The following DDX52 variants were observed in gnomAD, a reference collection of about 807,000 sequenced individuals.
DDX52 encodes the protein DExD-box helicase 52, also known as probable ATP-dependent RNA helicase DDX52.
DDX52 carries 59 observed loss-of-function variants against 76.1 expected under a neutral mutation model. The ratio of observed to expected loss-of-function variants is 0.78; its 90% CI spans 0.63 to 0.96. The LOEUF is 0.96. DDX52 is among the 40% of genes least tolerant of loss of function. The pLI is 0.00. For missense variants in DDX52, 707 were observed against 703.9 expected (o/e 1.00, Z -0.05); for synonymous variants, 231 against 244.1 (o/e 0.95, Z 0.50).
intron 2 of DDX52, among the ~76,000 whole-genome samples, chr17:37,637,086 T>A (rs1441830409): frequency 6.6e-6 from 1 of 152,100 alleles, no homozygotes; most frequent in African/African-American, 2.4e-5. Context: ...TGTCTCAGCC[T>A]CCCAAGTAGC....
At position 37,621,520 on chromosome 17, in the gene DDX52, C is replaced by T. The variant is rs1056902757; in HGVS notation, c.1228G>A (p.Gly410Ser). 6.2e-7 allele frequency: 1 copy of T among 1,600,318 alleles called. No individual in the cohort carries two copies. Among genetic ancestry groups the T allele is most frequent in the Non-Finnish European group, 8.5e-7 (1 of 1,176,536 alleles). Reference sequence around the variant, plus strand: ...AAAACAAGAACAGGTGGATTGAAACCCTAAAAGAAGACAAAAATTGGCATA... The same window carrying T: ...AAAACAAGAACAGGTGGATTGAAACTCTAAAAGAAGACAAAAATTGGCATA... ...LLAVRELVKK[G>S]FNPPVLVFVQ... The change falls in exon 10 of 15, where the codon GGT becomes AGT. Residue 410 changes from glycine to serine, a missense_variant and splice_region_variant. Physicochemically the swap from Gly to Ser is moderately conservative, Grantham distance 56. Coordinates refer to ENST00000617633, the MANE Select transcript of DDX52 (RefSeq NM_007010.5).
intron 6 of DDX52, among the ~76,000 whole-genome samples, chr17:37,627,859 C>G (rs944212046): frequency 6.6e-6 from 1 of 152,008 alleles, no homozygotes; most frequent in Non-Finnish European, 1.5e-5. Flanking sequence ...CCTTGAACTC[C>G]TGCGCTCAAG....
chr17:37,613,137 T>C lies in DDX52; in HGVS notation c.*1159A>G, dbSNP rs1189180371. ...TGCTGAGAAAAGGCAATGTATATTA[T>C]AGTTCTGTGGTAGTACTGATAACAT... On this transcript the variant is annotated 3_prime_UTR_variant, in exon 15 of 15. Coordinates refer to ENST00000617633, the MANE Select transcript of DDX52 (RefSeq NM_007010.5). The C allele has an allele frequency of 6.6e-6, 1 of 152,240 alleles. No individual in the cohort carries two copies. Among genetic ancestry groups the C allele is most frequent in the East Asian group, 1.9e-4 (1 of 5,204 alleles). The allele number at this position is 152,240 out of a possible 1,614,324, so 9.4% of individuals were successfully genotyped here. A position where few individuals can be genotyped will look rare whatever the true frequency, so the allele number is the denominator to read the frequency against.
intron 2 of DDX52, among the ~76,000 whole-genome samples, chr17:37,639,931 G>A (rs1345746208): frequency 6.6e-6 from 1 of 152,076 alleles, no homozygotes; most frequent in Non-Finnish European, 1.5e-5. Context: ...TGCAGCCAGG[G>A]AAGAATGACT....
intron 13 of DDX52, 43 bp from the exon 14 acceptor site, chr17:37,618,427 T>C (rs1313407719): frequency 4.7e-6 from 7 of 1,478,560 alleles, no homozygotes; most frequent in Middle Eastern, 2.0e-4. Flanking sequence ...TAAGTGCAAC[T>C]TCAATTAGAA....
intron 3 of DDX52, 116 bp downstream of exon 3, chr17:37,633,172 A>T (rs980906485): frequency 5.2e-6 from 6 of 1,146,868 alleles, no homozygotes; most frequent in Non-Finnish European, 6.9e-6. Context: ...GAATGTAATT[A>T]ACCTTCTATC....
chr17:37,622,273 A>G (rs1442637215), intron 9 of DDX52, among the ~76,000 whole-genome samples: 1 of 151,610 alleles, frequency 6.6e-6, no homozygotes, highest in East Asian at 1.9e-4. Context: ...TTAACCGTTC[A>G]TATTAGAGTT....
intron 5 of DDX52, among the ~76,000 whole-genome samples, chr17:37,629,750 C>T (rs566532875): frequency 2.0e-5 from 3 of 152,058 alleles, no homozygotes; most frequent in East Asian, 3.9e-4. Context: ...AATAAATGTC[C>T]AAGCAGGGCT....
chr17:37,628,686 G>A lies in DDX52; in HGVS notation c.748-14C>T, dbSNP rs1291627474. On this transcript the variant is annotated splice_polypyrimidine_tract_variant and intron_variant, in intron 5 of 14. Coordinates refer to ENST00000617633, the MANE Select transcript of DDX52 (RefSeq NM_007010.5). Reference sequence around the variant, plus strand: ...CTCTCTGTGAATCTAAAAAAAAAAAGATTAAAAACATTAGCTGCTAACATA... The same window carrying A: ...CTCTCTGTGAATCTAAAAAAAAAAAAATTAAAAACATTAGCTGCTAACATA... The A allele has an allele frequency of 2.0e-6, 3 of 1,481,776 alleles. No homozygotes were observed. The highest frequency in any genetic ancestry group is 2.3e-5 in the East Asian group (1 of 44,054). 91.8% of individuals were successfully genotyped at this position (1,481,776 alleles called of 1,614,324 possible).
At chr17:37,639,285 G>A (rs1293354510) in intron 2 of DDX52, among the ~76,000 whole-genome samples, 1 of 152,064 alleles carries the variant, frequency 6.6e-6, no homozygotes, top group Non-Finnish European at 1.5e-5. Flanking sequence ...CGTACACGAA[G>A]AGACAAATTT....
intron 3 of DDX52, among the ~76,000 whole-genome samples, chr17:37,632,756 C>T (rs1469794882): frequency 1.3e-5 from 2 of 152,190 alleles, no homozygotes; most frequent in African/African-American, 4.8e-5. Flanking sequence ...GTTACTGAAG[C>T]ATTGCCATAG....
chr17:37,617,676 T>C (rs1272938783), intron 14 of DDX52, among the ~76,000 whole-genome samples: 1 of 152,356 alleles, frequency 6.6e-6, no homozygotes, highest in South Asian at 2.1e-4. Flanking sequence ...TGTAAGTCAA[T>C]GGTCCTAACT....
chr17:37,622,862 C>G (rs1598755097), intron 9 of DDX52, among the ~76,000 whole-genome samples: 2 of 152,112 alleles, frequency 1.3e-5, no homozygotes, highest in African/African-American at 4.8e-5. Context: ...ATGTGCCAAG[C>G]ACTATTATAT....
At chr17:37,615,238 G>T (rs554696731) in intron 14 of DDX52, among the ~76,000 whole-genome samples, 1 of 152,328 alleles carries the variant, frequency 6.6e-6, no homozygotes, top group South Asian at 2.1e-4. Context: ...GGATCATGAT[G>T]GGTCTTGCTT....
At position 37,643,363 on chromosome 17, in the gene DDX52, G is replaced by A. The variant is rs1190520083; in HGVS notation, c.58C>T (p.Arg20Cys). The change falls in exon 1 of 15, where the codon CGC becomes TGC. Residue 20 changes from arginine (R) to cysteine (C), a missense_variant. Arg to Cys is a radical substitution (Grantham distance 180). Transcript: ENST00000617633. ...LGAGAKFDTRRFSADAARFQI... is the reference protein window; with the variant it reads ...LGAGAKFDTRCFSADAARFQI... ...AATCGAGCTGCGTCTGCCGAGAAGC[G>A]TCTCGTGTCGAATTTGGCCCCCGCG... 1 of 1,613,898 alleles carries A rather than the reference G, an allele frequency of 6.2e-7. No individual in the cohort carries two copies. Among genetic ancestry groups the A allele is most frequent in the Non-Finnish European group, 8.5e-7 (1 of 1,179,936 alleles).
At chr17:37,642,454 A>C (rs2031250327) in intron 1 of DDX52, 146 bp from the exon 2 acceptor site, 1 of 868,866 alleles carries the variant, frequency 1.2e-6, no homozygotes, top group African/African-American at 1.7e-5. Flanking sequence ...ATGGAATCTG[A>C]AGAGACCTTC....
intron 14 of DDX52, 94 bp downstream of exon 14, chr17:37,618,198 C>G (rs1265071082): frequency 5.7e-6 from 5 of 875,978 alleles, no homozygotes; most frequent in Non-Finnish European, 8.9e-6. Context: ...ACTGTAGTAT[C>G]AATTCTACTT....
chr17:37,616,706 T>G (rs1432201631), intron 14 of DDX52, among the ~76,000 whole-genome samples: 4 of 151,918 alleles, frequency 2.6e-5, no homozygotes, highest in African/African-American at 9.7e-5. Context: ...TTCCCAAAAC[T>G]GAATAAGTAC....
At position 37,621,185 on chromosome 17, in the gene DDX52, C is replaced by CACA; in HGVS notation, c.1440_1442dup (p.Val481dup). ...GAAAGTCATAGTTGATCACCAAGTT[C>CACA]ACACCTTTAAAATCAATCCCTCTTG... is the stretch of plus-strand genomic sequence containing the variant. On this transcript the variant is annotated inframe_insertion, in exon 11 of 15. Coordinates refer to ENST00000617633, the MANE Select transcript of DDX52 (RefSeq NM_007010.5). 1 of 1,613,970 alleles carries CACA rather than the reference C, an allele frequency of 6.2e-7. No homozygotes were observed. The highest frequency in any genetic ancestry group is 8.5e-7 in the Non-Finnish European group (1 of 1,179,958).
Sources: allele counts gnomAD v4.1 joint callset (sites outside exome capture counted in the v4.1 genomes callset), GRCh38; gene constraint gnomAD v4.1.1; transcripts MANE v1.5; gene names NCBI Gene and HGNC (gene_info 2026-07-23, HGNC 2026-07-21).